PALM: variants seen among roughly 807,000 people sequenced by gnomAD.
PALM encodes the protein paralemmin, also known as paralemmin-1.
PALM carries 18 observed loss-of-function variants against 30.7 expected under a neutral mutation model. The observed-to-expected ratio is 0.59, with a 90% CI of 0.41 to 0.87. The LOEUF is 0.87. Among genes scored for constraint, PALM ranks in the 40% least tolerant of loss-of-function variants. The pLI, the probability that PALM is intolerant of heterozygous loss-of-function variation, is 0.00. For synonymous variants in PALM, 286 were observed against 242.8 expected (o/e 1.18, Z -1.66); for missense variants, 529 against 555.4 (o/e 0.95, Z 0.48).
At chr19:724,952 C>G (rs2032611251) in intron 1 of PALM, among the ~76,000 whole-genome samples, 1 of 151,844 alleles carries the variant, frequency 6.6e-6, no homozygotes, top group African/African-American at 2.4e-5. Flanking sequence ...CAGGGTCTCA[C>G]TCTGTTGCCC....
chr19:732,893 G>A (rs1342195580), intron 5 of PALM, among the ~76,000 whole-genome samples: 1 of 151,706 alleles, frequency 6.6e-6, no homozygotes, highest in African/African-American at 2.4e-5. Flanking sequence ...GGGTTTCGTG[G>A]GAGGGCTGGG....
Position 733,749 on chromosome 19 carries a change from G to A in PALM, c.421-424G>A, listed in dbSNP as rs561308920. ...AGCCTGTAATCCCGGCACTTTGGGA[G>A]GCCGAGGTGGGTGGATCACCTGAGG... On this transcript the variant is annotated intron_variant, in intron 5 of 8. Transcript: ENST00000338448. Among the ~76,000 whole-genome samples the A allele has an allele frequency of 1.4e-4, 21 of 152,324 alleles. 1 individual carries two copies. The South Asian group carries it at 4.3e-3, about 32-fold the overall frequency.
intron 1 of PALM, among the ~76,000 whole-genome samples, chr19:722,133 T>C (rs911453449): frequency 2.7e-5 from 4 of 150,934 alleles, no homozygotes; most frequent in African/African-American, 7.3e-5. Flanking sequence ...TTAGCCAGGA[T>C]GGTCTCGATC....
Position 709,962 on chromosome 19 carries a change from G to A in PALM, c.5+811G>A, listed in dbSNP as rs887780547. Among the ~76,000 whole-genome samples, 1 of 152,092 alleles carries A rather than the reference G, an allele frequency of 6.6e-6. No individual in the cohort carries two copies. Among genetic ancestry groups the A allele is most frequent in the African/African-American group, 2.4e-5 (1 of 41,416 alleles). The stretch of plus-strand genomic sequence containing the variant: ...CCGAGCGAGGGCGCGTGGTCATTTC[G>A]GACACCGGTCCCCTCCTCCCGGTGC... On this transcript the variant is annotated intron_variant, in intron 1 of 8. Transcript: ENST00000338448. This position sits in a 1 kb window ranked among gnomAD's most constrained non-coding sequence, Gnocchi z 4.3.
chr19:726,985 A>AGCCCCCCCCC, intron 2 of PALM, 23 bp from the exon 3 acceptor site: 6 of 945,364 alleles, frequency 6.3e-6, no homozygotes, highest in Non-Finnish European at 6.5e-6. Context: ...CCCATCCCTG[A>AGCCCCCCCCC]CCCCACCCGG....
chr19:709,974 C>T lies in PALM; in HGVS notation c.5+823C>T, dbSNP rs1006142050. Among the ~76,000 whole-genome samples the T allele has an allele frequency of 6.6e-6, 1 of 152,150 alleles. No homozygotes were observed. The highest frequency in any genetic ancestry group is 2.4e-5 in the African/African-American group (1 of 41,442). On this transcript the variant is annotated intron_variant, in intron 1 of 8. Coordinates refer to ENST00000338448, the MANE Select transcript of PALM (RefSeq NM_002579.3). The surrounding 1 kb of genome is among the most constrained non-coding windows in gnomAD (Gnocchi z 4.3). ...GCGTGGTCATTTCGGACACCGGTCC[C>T]CTCCTCCCGGTGCTCGGGTGCCCCT...
chr19:712,872 C>T (rs35146110), intron 1 of PALM, among the ~76,000 whole-genome samples: 41,835 of 152,048 alleles, frequency 0.28, 5,944 homozygotes, highest in East Asian at 0.43. Context: ...GACAAGGTTT[C>T]GCCATGTTGG....
Position 742,999 on chromosome 19 carries a change from G to A in PALM, c.634+2516G>A, listed in dbSNP as rs79142785. On this transcript the variant is annotated intron_variant, in intron 8 of 8. Transcript: ENST00000338448. This position sits in a 1 kb window ranked among gnomAD's most constrained non-coding sequence, Gnocchi z 5.5. ...TTTTCCACGGAGGCTGCACCGTCCCGTTCCCACAGGTCGTGGATGAGGGCC... is the reference window on the plus strand; with the variant it reads ...TTTTCCACGGAGGCTGCACCGTCCCATTCCCACAGGTCGTGGATGAGGGCC... Among the ~76,000 whole-genome samples the A allele has an allele frequency of 0.03, 4,517 of 152,184 alleles. 368 individuals carry two copies. The East Asian group carries it at 0.34, about 11-fold the overall frequency.
At chr19:728,257 G>A (rs1417789218) in intron 4 of PALM, among the ~76,000 whole-genome samples, 1 of 152,200 alleles carries the variant, frequency 6.6e-6, no homozygotes, top group African/African-American at 2.4e-5. Context: ...TCCGGCGGGC[G>A]GGAGGCCCAG....
chr19:737,750 G>A (rs1240823530), intron 7 of PALM, among the ~76,000 whole-genome samples: 2 of 152,184 alleles, frequency 1.3e-5, no homozygotes, highest in African/African-American at 2.4e-5. Flanking sequence ...TTGGAGGAAC[G>A]GCCAGGAGAT....
chr19:728,061 G>T (rs2032748501), intron 4 of PALM, among the ~76,000 whole-genome samples: 1 of 151,952 alleles, frequency 6.6e-6, no homozygotes, highest in African/African-American at 2.4e-5. Context: ...GGAGCTGGGT[G>T]TTGCCGGCAT....
At chr19:717,189 A>G (rs1368478771) in intron 1 of PALM, among the ~76,000 whole-genome samples, 3 of 152,092 alleles carry the variant, frequency 2.0e-5, no homozygotes, top group Non-Finnish European at 2.9e-5. Flanking sequence ...TGGCCTCCCA[A>G]AGTGCTGGGA....
chr19:745,926 C>G (rs958138781), intron 8 of PALM, among the ~76,000 whole-genome samples: 3 of 149,182 alleles, frequency 2.0e-5, no homozygotes, highest in Non-Finnish European at 4.5e-5. Context: ...GGCGTGGTGG[C>G]GGATTCCTGT....
intron 1 of PALM, chr19:711,185 C>T (rs2032068026): frequency 2.0e-6 from 2 of 984,118 alleles, no homozygotes; most frequent in Non-Finnish European, 1.2e-6. Flanking sequence ...AACCACAGGG[C>T]CGATGCTGCC....
In PALM at chr19:718,038, C is replaced by T. The variant is rs566379855; in HGVS notation, c.6-8100C>T. Among the ~76,000 whole-genome samples the T allele has an allele frequency of 6.0e-4, 92 of 152,154 alleles. 1 individual carries two copies. The South Asian group carries it at 0.013, about 22-fold the overall frequency. ...CTCTACTAAAAATACGAAAATTAGC[C>T]GGGCGTGGTGGCATGTGCCTGTAAT... On this transcript the variant is annotated intron_variant, in intron 1 of 8. Coordinates refer to ENST00000338448, the MANE Select transcript of PALM (RefSeq NM_002579.3).
intron 5 of PALM, among the ~76,000 whole-genome samples, chr19:731,519 A>C (rs564766002): frequency 1.2e-4 from 17 of 139,040 alleles, no homozygotes; most frequent in African/African-American, 4.5e-4. Context: ...GAAGCAGGAG[A>C]CCCACCTGGG....
intron 6 of PALM, chr19:734,422 G>A (rs914233228): frequency 3.6e-6 from 2 of 554,474 alleles, no homozygotes; most frequent in Non-Finnish European, 6.4e-6. Context: ...ACAATTAGCC[G>A]GGTGTGGTGG....
chr19:740,252 C>T (rs1233030984), intron 7 of PALM, 100 bp from the exon 8 acceptor site: 6 of 1,251,002 alleles, frequency 4.8e-6, no homozygotes, highest in African/African-American at 1.5e-5. Flanking sequence ...CGCTGCTTGG[C>T]TCTGCGCTGC....
chr19:743,200 G>T (rs1179792799), intron 8 of PALM, among the ~76,000 whole-genome samples: 1 of 152,198 alleles, frequency 6.6e-6, no homozygotes, highest in Non-Finnish European at 1.5e-5. Context: ...GCTCTGGAGT[G>T]GCTTTGGGGT....
Sources: gnomAD v4.1 joint callset for allele counts (sites outside exome capture counted in the v4.1 genomes callset) on GRCh38, gnomAD v4.1.1 for gene constraint, Gnocchi (gnomAD v3.1) non-coding constraint, MANE v1.5 for transcripts, NCBI Gene and HGNC (gene_info 2026-07-23, HGNC 2026-07-21) for gene names.